Variants in OR7C1 observed in about 807,000 individuals in gnomAD.
OR7C1 encodes the protein olfactory receptor family 7 subfamily C member 1, also known as olfactory receptor 7C1.
For synonymous variants in OR7C1, 152 were observed against 160.7 expected (o/e 0.95, Z 0.41); for missense variants, 324 against 383.3 (o/e 0.85, Z 1.29).
chr19:14,834,020 G>T (rs990154143), intron 1 of OR7C1, among the ~76,000 whole-genome samples: 25 of 123,892 alleles, frequency 2.0e-4, no homozygotes, highest in African/African-American at 7.4e-4. Flanking sequence ...AGCACTTTGG[G>T]AGGCTGAGGC....
intron 1 of OR7C1, among the ~76,000 whole-genome samples, chr19:14,824,032 T>A (rs2145071585): frequency 6.6e-6 from 1 of 152,272 alleles, no homozygotes; most frequent in Non-Finnish European, 1.5e-5. Context: ...ATTTACCTTT[T>A]CCCCTCTGAT....
chr19:14,826,495 C>T (rs144981297), intron 1 of OR7C1: 1 of 152,162 alleles, frequency 6.6e-6, no homozygotes, highest in African/African-American at 2.4e-5. Flanking sequence ...AAATCCATCA[C>T]TCCAATAAAT....
intron 1 of OR7C1, chr19:14,828,213 G>A: frequency 1.2e-6 from 2 of 1,612,628 alleles, no homozygotes; most frequent in Non-Finnish European, 1.7e-6. Context: ...AAGAAATTCT[G>A]AAATTTGTGT....
At chr19:14,810,673 T>C (rs1026446085) in intron 1 of OR7C1, among the ~76,000 whole-genome samples, 8 of 151,728 alleles carry the variant, frequency 5.3e-5, no homozygotes, top group African/African-American at 1.9e-4. Flanking sequence ...GCGTGAGCCA[T>C]GGCGCCAGGC....
intron 1 of OR7C1, among the ~76,000 whole-genome samples, chr19:14,829,933 G>T (rs556798216): frequency 6.6e-6 from 1 of 152,288 alleles, no homozygotes; most frequent in East Asian, 1.9e-4. Context: ...TGTGATCATA[G>T]CTCACTGCAG....
intron 2 of OR7C1, among the ~76,000 whole-genome samples, chr19:14,803,231 T>C (rs1198501914): frequency 2.9e-5 from 4 of 138,782 alleles, no homozygotes; most frequent in Non-Finnish European, 6.0e-5. Context: ...CACTTGAAAC[T>C]GGGAGATGGA....
At position 14,834,352 on chromosome 19, in the gene OR7C1, T is replaced by C. The variant is rs1004781186; in HGVS notation, c.-623+722A>G. 5.9e-5 allele frequency among the ~76,000 whole-genome samples: 9 copies of C among 152,168 alleles called. 1 individual carries two copies. Among genetic ancestry groups the C allele is most frequent in the African/African-American group, 2.2e-4 (9 of 41,438 alleles). ...CAGATATTCCTCGCCACAGTGTTTC[T>C]CAATCTCAGCACTATTGATATTCTG... is the stretch of plus-strand genomic sequence containing the variant. On this transcript the variant is annotated intron_variant, in intron 1 of 4. Coordinates refer to ENST00000641666, the Ensembl canonical transcript of OR7C1.
intron 1 of OR7C1, chr19:14,827,843 C>G: frequency 9.3e-6 from 15 of 1,614,114 alleles, no homozygotes; most frequent in Non-Finnish European, 1.3e-5. Flanking sequence ...TCATAATGAC[C>G]ATGTAGTGCA....
intron 1 of OR7C1, among the ~76,000 whole-genome samples, chr19:14,823,404 G>C (rs2044750417): frequency 1.3e-5 from 2 of 152,126 alleles, no homozygotes; most frequent in South Asian, 4.1e-4. Context: ...GTGAGCCAAG[G>C]TTGTGCCACT....
intron 1 of OR7C1, among the ~76,000 whole-genome samples, chr19:14,814,046 A>T (rs927644426): frequency 6.6e-6 from 1 of 152,090 alleles, no homozygotes; most frequent in African/African-American, 2.4e-5. Context: ...AAAGACTTAA[A>T]CATTAGACCT....
chr19:14,819,039 C>T, intron 1 of OR7C1, among the ~76,000 whole-genome samples: 1 of 151,636 alleles, frequency 6.6e-6, no homozygotes, highest in East Asian at 1.9e-4. Flanking sequence ...GGTATATCTC[C>T]CCCCTCCCCC....
intron 2 of OR7C1, among the ~76,000 whole-genome samples, chr19:14,804,097 A>T (rs992555830): frequency 1.3e-5 from 2 of 152,098 alleles, no homozygotes; most frequent in Non-Finnish European, 2.9e-5. Flanking sequence ...TGCTAAGTAA[A>T]CATCTAGAAG....
chr19:14,828,113 C>T (rs760872641), intron 1 of OR7C1: 8 of 1,614,086 alleles, frequency 5.0e-6, no homozygotes, highest in East Asian at 2.2e-5. Flanking sequence ...GGATGATGAG[C>T]AGGTTCCCGA....
Position 14,827,562 on chromosome 19 carries a change from G to A in OR7C1, c.-623+7512C>T. ...GTACTTCCCCTGAGCTGATGAGATT[G>A]CATGTATGGAAGAAATTATCTTAGA... On this transcript the variant is annotated intron_variant, in intron 1 of 4. Coordinates refer to ENST00000641666, the Ensembl canonical transcript of OR7C1. 1.2e-6 allele frequency: 2 copies of A among 1,614,136 alleles called. No individual in the cohort carries two copies. Among genetic ancestry groups the A allele is most frequent in the Non-Finnish European group, 1.7e-6 (2 of 1,180,030 alleles).
At chr19:14,814,105 A>C (rs897191451) in intron 1 of OR7C1, among the ~76,000 whole-genome samples, 13 of 152,090 alleles carry the variant, frequency 8.5e-5, no homozygotes, top group African/African-American at 3.1e-4. Flanking sequence ...ACTGCATGAC[A>C]TTGGTCTGGG....
chr19:14,833,995 C>CCGGGTACTCTAATTTTGGTGACAGAAATA (rs1555696582), intron 1 of OR7C1, among the ~76,000 whole-genome samples: 2 of 152,148 alleles, frequency 1.3e-5, no homozygotes, highest in South Asian at 2.1e-4. Flanking sequence ...CGTGGTGGCA[C>CCGGGTACTCTAATTTTGGTGACAGAAATA]ACGTCTGCAA....
At position 14,800,075 on chromosome 19, in the gene OR7C1, G is replaced by C; in HGVS notation, c.62C>G (p.Ser21Ter). The change falls in exon 5 of 5, where the codon TCA becomes TGA. Residue 21 changes from serine to a stop codon, truncating the protein, a stop_gained. Transcript: ENST00000641666. LOFTEE classifies it low-confidence loss of function (END_TRUNC). ...CCCAAAGAGAATGAACTGAATCTCTGACGTTGCTGAAAATCCCAGGAGGAG... is the reference window on the plus strand; with the variant it reads ...CCCAAAGAGAATGAACTGAATCTCTCACGTTGCTGAAAATCCCAGGAGGAG... 3 of 1,604,460 alleles carry C rather than the reference G, an allele frequency of 1.9e-6. No individual in the cohort carries two copies. The highest frequency in any genetic ancestry group is 2.6e-6 in the Non-Finnish European group (3 of 1,173,158).
chr19:14,834,406 A>G (rs1324571126), intron 1 of OR7C1, among the ~76,000 whole-genome samples: 4 of 152,202 alleles, frequency 2.6e-5, no homozygotes, highest in Non-Finnish European at 5.9e-5. Flanking sequence ...GATAAAGTCT[A>G]TCCTATACAC....
chr19:14,816,777 C>T (rs574673859), intron 1 of OR7C1, among the ~76,000 whole-genome samples: 20 of 152,242 alleles, frequency 1.3e-4, no homozygotes, highest in Admixed American at 1.3e-3. Context: ...TCTAGAGAAG[C>T]CTGACTAATA....
Sources: allele counts gnomAD v4.1 joint callset (sites outside exome capture counted in the v4.1 genomes callset), GRCh38; gene constraint gnomAD v4.1.1; transcripts MANE v1.5; gene names NCBI Gene and HGNC (gene_info 2026-07-23, HGNC 2026-07-21).